PRDM11: variants seen among roughly 807,000 people sequenced by gnomAD.
PRDM11 encodes the protein PR domain-containing protein 11.
A neutral mutation model predicts 97.8 loss-of-function variants in PRDM11; 20 were observed. That is an observed-to-expected ratio of 0.20 (90% CI 0.14 to 0.30). The LOEUF is 0.30. Ranked by LOEUF, PRDM11 falls within the 10% of genes least tolerant of loss-of-function variation. The probability of loss-of-function intolerance (pLI) is 1.00; values close to 1 mark genes in which losing one functional copy is unlikely to be tolerated. For missense variants in PRDM11, 1,139 were observed against 1,555.2 expected (o/e 0.73, Z 4.50); for synonymous variants, 599 against 637.7 (o/e 0.94, Z 0.91).
intron 1 of PRDM11, among the ~76,000 whole-genome samples, chr11:45,108,463 T>G (rs1401766912): frequency 6.6e-6 from 1 of 152,212 alleles, no homozygotes; most frequent in Non-Finnish European, 1.5e-5. Flanking sequence ...ATGTGCCCAC[T>G]GCTCTGTGAA....
chr11:45,166,390 G>A (rs1183426864), intron 1 of PRDM11, among the ~76,000 whole-genome samples: 4 of 152,172 alleles, frequency 2.6e-5, no homozygotes, highest in Admixed American at 6.5e-5. Context: ...CCCCAGAATT[G>A]TAGCTCACAA....
chr11:45,212,352 C>T (rs756153119), intron 5 of PRDM11: 3 of 338,402 alleles, frequency 8.9e-6, no homozygotes, highest in Non-Finnish European at 1.8e-5. Context: ...CAAACTAGAC[C>T]GCAGGGTGGC....
chr11:45,100,690 C>G (rs979526919), intron 1 of PRDM11, among the ~76,000 whole-genome samples: 2 of 152,224 alleles, frequency 1.3e-5, no homozygotes, highest in East Asian at 1.9e-4. Flanking sequence ...CATCCTCAAC[C>G]GGGCAGTTCC....
chr11:45,146,918 C>G (rs1215528240), intron 1 of PRDM11, 41 bp downstream of exon 1: 1 of 146,234 alleles, frequency 6.8e-6, no homozygotes, highest in African/African-American at 2.4e-5. Flanking sequence ...TTGAAAATGG[C>G]TTCGGAGAGC....
intron 4 of PRDM11, among the ~76,000 whole-genome samples, chr11:45,185,949 G>T (rs1025958986): frequency 3.9e-5 from 6 of 152,010 alleles, no homozygotes; most frequent in Non-Finnish European, 8.8e-5. Context: ...GAGAGAAAGG[G>T]ATTGGAGGAT....
chr11:45,212,610 G>T (rs1372242064), intron 5 of PRDM11: 1 of 456,310 alleles, frequency 2.2e-6, no homozygotes, highest in South Asian at 1.5e-5. Flanking sequence ...GAGACGGTGG[G>T]CCCCAAGCCA....
intron 4 of PRDM11, 50 bp downstream of exon 4, chr11:45,183,173 A>G (rs1389942494): frequency 6.4e-7 from 1 of 1,568,866 alleles, no homozygotes. Flanking sequence ...GAAACATGGA[A>G]GGAAACCACC....
At chr11:45,120,256 A>G (rs1852400832) in intron 1 of PRDM11, among the ~76,000 whole-genome samples, 1 of 152,196 alleles carries the variant, frequency 6.6e-6, no homozygotes, top group African/African-American at 2.4e-5. Context: ...AAAAGTTCTA[A>G]CATACACATA....
intron 4 of PRDM11, among the ~76,000 whole-genome samples, chr11:45,192,936 A>C (rs750405241): frequency 6.6e-6 from 1 of 152,248 alleles, no homozygotes; most frequent in Admixed American, 6.5e-5. Context: ...ATTGCTATTT[A>C]TAAGGCGAAT....
intron 5 of PRDM11, chr11:45,214,163 C>G (rs1424843155): frequency 5.3e-6 from 1 of 187,778 alleles, no homozygotes; most frequent in East Asian, 1.3e-4. Flanking sequence ...TGCCTTGCCT[C>G]TGCTTGCTCG....
At chr11:45,220,941 C>T (rs192296794) in intron 6 of PRDM11, among the ~76,000 whole-genome samples, 33 of 152,180 alleles carry the variant, frequency 2.2e-4, no homozygotes, top group Admixed American at 8.5e-4. Flanking sequence ...ACTAAAACCA[C>T]GCATCCAAAC....
chr11:45,228,500 G>A lies in PRDM11; in HGVS notation c.*341G>A, dbSNP rs904441046. 1 of 152,032 alleles carries A rather than the reference G, an allele frequency of 6.6e-6. No homozygotes were observed. Among genetic ancestry groups the A allele is most frequent in the African/African-American group, 2.4e-5 (1 of 41,388 alleles). 9.4% of individuals were successfully genotyped at this position (152,032 alleles called of 1,614,324 possible). ...CCAACAGCATAAGCTAAAATGACAG[G>A]TCTCTGTCATCACCTTTAGGTAGCT... On this transcript the variant is annotated 3_prime_UTR_variant, in exon 8 of 8. Transcript: ENST00000683152.
chr11:45,156,766 G>A (rs951826995), intron 1 of PRDM11, among the ~76,000 whole-genome samples: 5 of 152,178 alleles, frequency 3.3e-5, no homozygotes, highest in Non-Finnish European at 7.4e-5. Context: ...ATTTCGCCCT[G>A]GAGGTGGAGA....
rs1470837472 is a variant in PRDM11 at position 45,125,180 on chromosome 11, G to A, written c.96+29279G>A. The stretch of plus-strand genomic sequence containing the variant: ...AGTTTGTATTTCTGTGGGATCGGTG[G>A]TGATATCCCCTTTATCATTTTTTAT... On this transcript the variant is annotated intron_variant, in intron 1 of 6. Transcript: ENST00000530656. 7.2e-5 allele frequency among the ~76,000 whole-genome samples: 11 copies of A among 151,750 alleles called. No individual in the cohort carries two copies. In the East Asian group the frequency reaches 1.5e-3, roughly 21 times the overall value.
intron 1 of PRDM11, among the ~76,000 whole-genome samples, chr11:45,128,442 C>A (rs1184554781): frequency 1.3e-5 from 2 of 152,186 alleles, no homozygotes; most frequent in African/African-American, 4.8e-5. Context: ...CTGCGTCGCT[C>A]ACGCTGGAAG....
chr11:45,114,967 G>C (rs545118716), intron 1 of PRDM11, among the ~76,000 whole-genome samples: 7 of 152,228 alleles, frequency 4.6e-5, no homozygotes, highest in South Asian at 2.1e-4. Flanking sequence ...TTAGGCTGAA[G>C]GGAGATTACA....
intron 1 of PRDM11, among the ~76,000 whole-genome samples, chr11:45,126,545 C>T (rs531591917): frequency 6.6e-6 from 1 of 152,242 alleles, no homozygotes; most frequent in South Asian, 2.1e-4. Context: ...GTGACAAAAT[C>T]TCTCAGCATT....
intron 1 of PRDM11, among the ~76,000 whole-genome samples, chr11:45,099,132 C>T (rs1851929487): frequency 6.6e-6 from 1 of 151,974 alleles, no homozygotes; most frequent in African/African-American, 2.4e-5. Context: ...GAATGGCACG[C>T]GATGCCTGAT....
chr11:45,117,069 C>A (rs1172890131), intron 1 of PRDM11, among the ~76,000 whole-genome samples: 3 of 151,822 alleles, frequency 2.0e-5, no homozygotes, highest in Non-Finnish European at 2.9e-5. Context: ...ACTAAAAATA[C>A]AAAAATTAGC....
Sources: allele counts gnomAD v4.1 joint callset (sites outside exome capture counted in the v4.1 genomes callset), GRCh38; gene constraint gnomAD v4.1.1; transcripts MANE v1.5; gene names NCBI Gene and HGNC (gene_info 2026-07-23, HGNC 2026-07-21).